Variants in UNC45B observed in about 807,000 individuals in gnomAD.
UNC45B encodes the protein protein unc-45 homolog B.
In UNC45B, 78 loss-of-function variants were observed where a neutral mutation model predicts 98.7. The observed-to-expected ratio is 0.79, with a 90% CI of 0.66 to 0.95. The LOEUF (loss-of-function observed/expected upper bound fraction) is 0.95, where lower values mean the gene tolerates loss of function less well. UNC45B is among the 40% of genes least tolerant of loss of function. UNC45B has a pLI of 0.00. For synonymous variants in UNC45B, 462 were observed against 480.4 expected (o/e 0.96, Z 0.50); for missense variants, 1,225 against 1,184.9 (o/e 1.03, Z -0.50).
intron 16 of UNC45B, among the ~76,000 whole-genome samples, 154 bp from the exon 17 acceptor site, chr17:35,177,341 G>T (rs932555919): frequency 2.0e-5 from 3 of 152,164 alleles, no homozygotes; most frequent in African/African-American, 7.2e-5. Context: ...TATCTATAAA[G>T]AAAATAATCC....
At chr17:35,167,905 A>C (rs2092151978) in intron 9 of UNC45B, among the ~76,000 whole-genome samples, 156 bp from the exon 10 acceptor site, 1 of 152,212 alleles carries the variant, frequency 6.6e-6, no homozygotes, top group East Asian at 1.9e-4. Context: ...AGTTTACAGG[A>C]GCTGAGGCTC....
Position 35,177,133 on chromosome 17 carries a change from AG to A in UNC45B, c.2139+5del. ...ACATTGCTTTTCCTGGGGAGCGGGT[AG>A]GTGCTTGGGTAGATGGGATAGGGCA... On this transcript the variant is annotated splice_donor_region_variant and intron_variant, in intron 16 of 19. Coordinates refer to ENST00000394570, the MANE Select transcript of UNC45B (RefSeq NM_001267052.2). 1 of 1,613,748 alleles carries A rather than the reference AG, an allele frequency of 6.2e-7. No individual in the cohort carries two copies.
At position 35,188,992 on chromosome 17, in the gene UNC45B, T is replaced by C. The variant is rs908299506; in HGVS notation, c.*2433T>C. On this transcript the variant is annotated 3_prime_UTR_variant, in exon 20 of 20. Coordinates refer to ENST00000394570, the MANE Select transcript of UNC45B (RefSeq NM_001267052.2). ...ATAGGCAGATGCTAGCCTGAGATCATCTCTTTATTGAGGTAGTTTGCCCAA... is the reference window on the plus strand; with the variant it reads ...ATAGGCAGATGCTAGCCTGAGATCACCTCTTTATTGAGGTAGTTTGCCCAA... The C allele has an allele frequency of 6.6e-6, 1 of 152,120 alleles. No homozygotes were observed. Among genetic ancestry groups the C allele is most frequent in the Non-Finnish European group, 1.5e-5 (1 of 68,024 alleles). 9.4% of individuals were successfully genotyped at this position (152,120 alleles called of 1,614,324 possible).
intron 7 of UNC45B, among the ~76,000 whole-genome samples, chr17:35,159,100 A>T (rs2142544488): frequency 6.6e-6 from 1 of 152,336 alleles, no homozygotes; most frequent in South Asian, 2.1e-4. Context: ...GGTAGGAGTG[A>T]AGAACTTTCT....
rs1201150413 is a variant in UNC45B at position 35,186,841 on chromosome 17, T to C, written c.*282T>C. On this transcript the variant is annotated 3_prime_UTR_variant, in exon 20 of 20. Coordinates refer to ENST00000394570, the MANE Select transcript of UNC45B (RefSeq NM_001267052.2). The stretch of plus-strand genomic sequence containing the variant: ...CCATGATTAGAAATAGGTTGGATCA[T>C]TCTTTCTGTACCCATTCTGAAGGCC... 5.9e-6 allele frequency: 2 copies of C among 336,276 alleles called. No individual in the cohort carries two copies. Among genetic ancestry groups the C allele is most frequent in the East Asian group, 1.2e-4 (2 of 16,336 alleles). The allele number at this position is 336,276 out of a possible 1,614,324, so 20.8% of individuals were successfully genotyped here.
chr17:35,176,268 G>T (rs2092232901), intron 15 of UNC45B, among the ~76,000 whole-genome samples: 1 of 152,120 alleles, frequency 6.6e-6, no homozygotes. Flanking sequence ...TGCAAAGACA[G>T]ACCCTGGACT....
intron 9 of UNC45B, among the ~76,000 whole-genome samples, chr17:35,165,340 A>T (rs1188798031): frequency 6.6e-6 from 1 of 152,238 alleles, no homozygotes; most frequent in Non-Finnish European, 1.5e-5. Flanking sequence ...GTGCTCCAGC[A>T]TCAGTGTGAC....
At chr17:35,159,566 G>T (rs1171881963) in intron 8 of UNC45B, 21 bp downstream of exon 8, 7 of 1,607,238 alleles carry the variant, frequency 4.4e-6, no homozygotes, top group Non-Finnish European at 6.0e-6. Flanking sequence ...GGGAAGGTTT[G>T]GGGCTTGCTC....
rs562958304 is a variant in UNC45B at position 35,189,150 on chromosome 17, T to C, written c.*2591T>C. 14 of 152,338 alleles carry C rather than the reference T, an allele frequency of 9.2e-5. No homozygotes were observed. The highest frequency in any genetic ancestry group is 6.8e-3 in the Middle Eastern group (2 of 294). The allele number at this position is 152,338 out of a possible 1,614,324, so 9.4% of individuals were successfully genotyped here. A position where few individuals can be genotyped will look rare whatever the true frequency, so the allele number is the denominator to read the frequency against. ...ATATAATGGGAAAATTCATCATTTA[T>C]ATTATTACTTTTAACTGAAGTATGT... is the stretch of plus-strand genomic sequence containing the variant. On this transcript the variant is annotated 3_prime_UTR_variant, in exon 20 of 20. Transcript: ENST00000394570.
rs753093631 is a variant in UNC45B, at chr17:35,174,236, C to T, written c.1831-6C>T. 4 of 1,614,146 alleles carry T rather than the reference C, an allele frequency of 2.5e-6. No individual in the cohort carries two copies. The highest frequency in any genetic ancestry group is 2.5e-6 in the Non-Finnish European group (3 of 1,180,006). ...CTCCCACATTGCCATCTTTTCATCT[C>T]CTCAGGACAAGAAGGACTTTATAGA... On this transcript the variant is annotated splice_region_variant and splice_polypyrimidine_tract_variant and intron_variant, in intron 13 of 19. Coordinates refer to ENST00000394570, the MANE Select transcript of UNC45B (RefSeq NM_001267052.2).
intron 7 of UNC45B, 90 bp downstream of exon 7, chr17:35,155,554 G>A (rs1393852258): frequency 1.4e-6 from 2 of 1,390,922 alleles, no homozygotes; most frequent in African/African-American, 1.4e-5. Flanking sequence ...GTATGTGGGG[G>A]TGGCTTGGTT....
chr17:35,152,308 CCAAA>C (rs2092025894), intron 4 of UNC45B, among the ~76,000 whole-genome samples: 1 of 152,020 alleles, frequency 6.6e-6, no homozygotes, highest in Non-Finnish European at 1.5e-5. Flanking sequence ...GTGGACCCCC[CCAAA>C]CAAAGTAACA....
intron 19 of UNC45B, among the ~76,000 whole-genome samples, chr17:35,184,245 G>A (rs889642817): frequency 6.6e-6 from 1 of 152,196 alleles, no homozygotes; most frequent in Non-Finnish European, 1.5e-5. Context: ...TCCAAGGGGG[G>A]TTACGTTGTC....
chr17:35,163,231 C>T (rs946022340), intron 8 of UNC45B, among the ~76,000 whole-genome samples: 4 of 152,196 alleles, frequency 2.6e-5, no homozygotes, highest in East Asian at 1.9e-4. Context: ...TGAAGTGAAT[C>T]ACCTCATCTT....
chr17:35,155,085 A>T (rs1377921102), intron 6 of UNC45B, among the ~76,000 whole-genome samples: 1 of 152,214 alleles, frequency 6.6e-6, no homozygotes, highest in Non-Finnish European at 1.5e-5. Flanking sequence ...TGGTCACTGT[A>T]TTGGATGGCA....
At position 35,177,088 on chromosome 17, in the gene UNC45B, C is replaced by G; in HGVS notation, c.2097C>G (p.Ile699Met). Reference sequence around the variant, plus strand: ...AGGCAGCCCACGCTCTAGCAAAGATCGCTGCTGTCTCCAATCCGGACATTG... The same window carrying G: ...AGGCAGCCCACGCTCTAGCAAAGATGGCTGCTGTCTCCAATCCGGACATTG... Reference protein sequence around the residue: ...KVKAAHALAKIAAVSNPDIAF... With the variant: ...KVKAAHALAKMAAVSNPDIAF... Residue 699 changes from isoleucine to methionine, a missense_variant, in exon 16 of 20, where the codon ATC (isoleucine) becomes ATG (methionine). By Grantham distance (10) the Ile-to-Met change is conservative. Transcript: ENST00000394570. The G allele has an allele frequency of 6.2e-7, 1 of 1,614,154 alleles. No individual in the cohort carries two copies. The highest frequency in any genetic ancestry group is 2.2e-5 in the East Asian group (1 of 44,876).
In UNC45B at chr17:35,183,399, C is replaced by T. The variant is rs746939758; in HGVS notation, c.2374-28C>T. 3.3e-6 allele frequency: 5 copies of T among 1,503,710 alleles called. No individual in the cohort carries two copies. The Admixed American group carries it at 6.6e-5, about 20-fold the overall frequency. The allele number at this position is 1,503,710 out of a possible 1,614,324, so 93.1% of individuals were successfully genotyped here. A position where few individuals can be genotyped will look rare whatever the true frequency, so the allele number is the denominator to read the frequency against. On this transcript the variant is annotated intron_variant, in intron 18 of 19. Coordinates refer to ENST00000394570, the MANE Select transcript of UNC45B (RefSeq NM_001267052.2). ...GGCTGGGCAGATTGGGGACAGTTTTCTCTGAGCCATGTTCCTGCCTCCCAC... is the reference window on the plus strand; with the variant it reads ...GGCTGGGCAGATTGGGGACAGTTTTTTCTGAGCCATGTTCCTGCCTCCCAC...
At chr17:35,149,288 AG>A (rs1295398246) in intron 3 of UNC45B, among the ~76,000 whole-genome samples, 2 of 152,210 alleles carry the variant, frequency 1.3e-5, no homozygotes, top group African/African-American at 4.8e-5. Flanking sequence ...TTTCATCTCA[AG>A]GGTTCCAGGG....
intron 8 of UNC45B, among the ~76,000 whole-genome samples, chr17:35,163,262 T>C (rs904539340): frequency 8.5e-5 from 13 of 152,212 alleles, no homozygotes; most frequent in African/African-American, 2.9e-4. Context: ...CTTCTATACT[T>C]ATCACATCTC....
Sources: allele counts gnomAD v4.1 joint callset (sites outside exome capture counted in the v4.1 genomes callset), GRCh38; gene constraint gnomAD v4.1.1; transcripts MANE v1.5; gene names NCBI Gene and HGNC (gene_info 2026-07-23, HGNC 2026-07-21).